Variants in ANK3 observed in about 807,000 individuals in gnomAD.
The protein encoded by ANK3 is ankyrin 3, also known as ankyrin-3.
Under a neutral mutation model 370.9 loss-of-function variants are expected in ANK3, and 57 were observed. The ratio of observed to expected loss-of-function variants is 0.15; its 90% CI spans 0.12 to 0.19. ANK3 has a LOEUF of 0.19. ANK3 is among the 10% of genes least tolerant of loss of function. ANK3 has a pLI of 1.00. For missense variants in ANK3, 4,439 were observed against 5,302.1 expected (o/e 0.84, Z 5.06); for synonymous variants, 1,929 against 1,946.3 (o/e 0.99, Z 0.23).
intron 2 of ANK3, among the ~76,000 whole-genome samples, chr10:60,602,762 G>A (rs1233989053): frequency 6.6e-6 from 1 of 151,974 alleles, no homozygotes; most frequent in Non-Finnish European, 1.5e-5. Flanking sequence ...TTACATTTAG[G>A]CAGATATCTC....
At chr10:60,481,809 CG>C (rs2075225047) in intron 2 of ANK3, among the ~76,000 whole-genome samples, 1 of 152,136 alleles carries the variant, frequency 6.6e-6, no homozygotes, top group South Asian at 2.1e-4. Context: ...GAGCAAAAGC[CG>C]TCATACCATA....
At chr10:60,707,854 A>T (rs1160447216) in intron 1 of ANK3, among the ~76,000 whole-genome samples, 1 of 152,122 alleles carries the variant, frequency 6.6e-6, no homozygotes, top group Admixed American at 6.5e-5. Flanking sequence ...CCACGAAAAA[A>T]TTAGGCTCAC....
intron 2 of ANK3, among the ~76,000 whole-genome samples, chr10:60,479,917 G>A (rs913100669): frequency 6.6e-6 from 1 of 152,154 alleles, no homozygotes; most frequent in African/African-American, 2.4e-5. Flanking sequence ...ATTACTTGAG[G>A]GAAGGGGCTT....
intron 26 of ANK3, among the ~76,000 whole-genome samples, chr10:60,112,634 C>G (rs1166151687): frequency 2.0e-5 from 3 of 152,094 alleles, no homozygotes; most frequent in Admixed American, 6.6e-5. Flanking sequence ...TCCTCTGAGT[C>G]TGATTTTTTA....
chr10:60,071,320 G>C lies in ANK3; in HGVS notation c.9561C>G (p.Asp3187Glu). 2 of 1,614,116 alleles carry C rather than the reference G, an allele frequency of 1.2e-6. No individual in the cohort carries two copies. The highest frequency in any genetic ancestry group is 1.1e-5 in the South Asian group (1 of 91,084). The change falls in exon 37 of 44, where the codon GAC becomes GAG. Residue 3187 changes from aspartate to glutamate, a missense_variant. Asp to Glu is a conservative substitution (Grantham distance 45, BLOSUM62 2). This residue lies in a region of ANK3 where 1,601 missense variants were observed against 1,731.7 expected (regional missense o/e 0.92). Coordinates refer to ENST00000280772, the MANE Select transcript of ANK3 (RefSeq NM_020987.5). ...VSYEFTSKTP[D>E]SLIAYIPGKP... ...TGCCTGGTATATAAGCTATGAGCGA[G>C]TCAGGTGTCTTAGATGTAAATTCAT...
intron 1 of ANK3, among the ~76,000 whole-genome samples, chr10:60,703,705 A>G (rs2079575253): frequency 6.6e-6 from 1 of 152,156 alleles, no homozygotes; most frequent in Non-Finnish European, 1.5e-5. Context: ...TGTATCTACC[A>G]CCTAGTATAA....
rs775504136 is a variant in ANK3 at position 60,203,035 on chromosome 10, C to T, written c.1359G>A (p.Met453Ile). 4 of 1,613,082 alleles carry T rather than the reference C, an allele frequency of 2.5e-6. No homozygotes were observed. The highest frequency in any genetic ancestry group is 3.4e-6 in the Non-Finnish European group (4 of 1,179,406). Residue 453 changes from methionine (M) to isoleucine (I), a missense_variant, in exon 12 of 44, where the codon ATG becomes ATA. Physicochemically the swap from Met to Ile is conservative, Grantham distance 10. This residue lies in a region of ANK3 where 227 missense variants were observed against 377.6 expected (regional missense o/e 0.60). Transcript: ENST00000280772. ...MGHVNIVSQL[M>I]HHGASPNTTN... is the part of the protein sequence containing the mutation. ...TGGTGTTTGGTGAGGCTCCATGATG[C>T]ATTAGTTGTGATACAATATTTACAT... is the stretch of plus-strand genomic sequence containing the variant.
chr10:60,683,530 G>A (rs117494496), intron 1 of ANK3, among the ~76,000 whole-genome samples: 6,120 of 152,250 alleles, frequency 0.04, 162 homozygotes, highest in Middle Eastern at 0.071. Flanking sequence ...ATTTCACTTT[G>A]AAGATATTTC....
chr10:60,240,306 A>ATTTTTTTTTT (rs1555186003), intron 7 of ANK3, among the ~76,000 whole-genome samples: 3 of 119,770 alleles, frequency 2.5e-5, no homozygotes, highest in Non-Finnish European at 3.4e-5. Context: ...ATATATATAT[A>ATTTTTTTTTT]TTTTTTTTTC....
At chr10:60,581,590 AATT>A (rs2077754009) in intron 2 of ANK3, among the ~76,000 whole-genome samples, 1 of 150,256 alleles carries the variant, frequency 6.7e-6, no homozygotes, top group East Asian at 2.1e-4. Context: ...ATGCCTGGCT[AATT>A]ATTATTTTTT....
At chr10:60,486,680 C>A (rs925421282) in intron 2 of ANK3, among the ~76,000 whole-genome samples, 5 of 152,070 alleles carry the variant, frequency 3.3e-5, no homozygotes, top group Admixed American at 6.6e-5. Flanking sequence ...TTCTCCAATC[C>A]CTCTGCAGTC....
upstream of ANK3, among the ~76,000 whole-genome samples, chr10:60,394,622 C>T (rs1373254244): frequency 6.6e-6 from 1 of 152,172 alleles, no homozygotes; most frequent in Non-Finnish European, 1.5e-5. Flanking sequence ...CCACACTGGC[C>T]TGCAGAGAGG....
chr10:60,214,675 G>T (rs10761467), intron 8 of ANK3, among the ~76,000 whole-genome samples: 87,511 of 151,912 alleles, frequency 0.58, 25,331 homozygotes, highest in East Asian at 0.79. Flanking sequence ...TCCATGTCCC[G>T]GCGAAGGACA....
chr10:60,171,395 T>C (rs1352613796), intron 21 of ANK3, among the ~76,000 whole-genome samples: 5 of 152,206 alleles, frequency 3.3e-5, no homozygotes, highest in Non-Finnish European at 7.3e-5. Context: ...CTTCAACCCA[T>C]GTTTTTCACA....
intron 8 of ANK3, among the ~76,000 whole-genome samples, chr10:60,227,307 T>C (rs1325252994): frequency 6.6e-6 from 1 of 152,040 alleles, no homozygotes; most frequent in East Asian, 1.9e-4. Context: ...ATAACATTCT[T>C]ATAATTGTCT....
chr10:60,239,668 A>C (rs1185126254), intron 7 of ANK3, among the ~76,000 whole-genome samples: 6 of 152,190 alleles, frequency 3.9e-5, no homozygotes, highest in Admixed American at 6.5e-5. Flanking sequence ...TTAGGCCTGC[A>C]CCAAGAAATG....
intron 1 of ANK3, among the ~76,000 whole-genome samples, chr10:60,662,966 T>C (rs2078953458): frequency 6.6e-6 from 1 of 152,204 alleles, no homozygotes; most frequent in African/African-American, 2.4e-5. Context: ...AAATAAGCCT[T>C]ACATAAAGTC....
chr10:60,123,637 C>A (rs1456436011), intron 25 of ANK3, among the ~76,000 whole-genome samples: 1 of 152,348 alleles, frequency 6.6e-6, no homozygotes, highest in African/African-American at 2.4e-5. Flanking sequence ...CCTTATCTAA[C>A]AGCTCTACCA....
chr10:60,622,995 C>T (rs544210717), intron 1 of ANK3, among the ~76,000 whole-genome samples: 82 of 152,320 alleles, frequency 5.4e-4, no homozygotes, highest in African/African-American at 1.9e-3. Flanking sequence ...TCAGCCCATA[C>T]AGAACTTAAG....
Sources: gnomAD v4.1 joint callset for allele counts (sites outside exome capture counted in the v4.1 genomes callset) on GRCh38, gnomAD v4.1.1 for gene constraint, gnomAD v4.1.1 regional missense constraint, MANE v1.5 for transcripts, NCBI Gene and HGNC (gene_info 2026-07-23, HGNC 2026-07-21) for gene names.